Variants in TUBGCP4 observed in about 807,000 individuals in gnomAD.
TUBGCP4 encodes gamma-tubulin complex component 4.
Under a neutral mutation model 91.6 loss-of-function variants are expected in TUBGCP4, and 54 were observed. The ratio of observed to expected loss-of-function variants is 0.59; its 90% CI spans 0.47 to 0.74. The LOEUF (loss-of-function observed/expected upper bound fraction) is 0.74, where lower values mean the gene tolerates loss of function less well. Among genes scored for constraint, TUBGCP4 ranks in the 30% least tolerant of loss-of-function variants. TUBGCP4 has a pLI of 0.00. For synonymous variants in TUBGCP4, 297 were observed against 302.8 expected (o/e 0.98, Z 0.20); for missense variants, 593 against 800.9 (o/e 0.74, Z 3.13).
intron 7 of TUBGCP4, among the ~76,000 whole-genome samples, chr15:43,385,103 TG>T (rs1469779625): frequency 6.6e-6 from 1 of 151,986 alleles, no homozygotes; most frequent in Non-Finnish European, 1.5e-5. Context: ...ATGGGTCTAA[TG>T]GGGGGCATGT....
In TUBGCP4 at chr15:43,371,292, G is replaced by T; in HGVS notation, c.-63G>T. 1.3e-6 allele frequency: 2 copies of T among 1,543,640 alleles called. No homozygotes were observed. Among genetic ancestry groups the T allele is most frequent in the Non-Finnish European group, 1.8e-6 (2 of 1,128,330 alleles). On this transcript the variant is annotated 5_prime_UTR_variant, in exon 1 of 18. Transcript: ENST00000564079. Reference sequence around the variant, plus strand: ...TGGAAGGGGAAGCACTCCCCTCGTGGTCGCCTGGAGGTGCGCTGGAGGAGG... The same window carrying T: ...TGGAAGGGGAAGCACTCCCCTCGTGTTCGCCTGGAGGTGCGCTGGAGGAGG...
chr15:43,373,377 T>C (rs1280656454), intron 1 of TUBGCP4, among the ~76,000 whole-genome samples: 2 of 152,230 alleles, frequency 1.3e-5, no homozygotes, highest in Non-Finnish European at 1.5e-5. Context: ...AACGCTCAAA[T>C]GCCAATTTTA....
intron 4 of TUBGCP4, 82 bp downstream of exon 4, chr15:43,377,149 C>T: frequency 8.2e-7 from 1 of 1,218,110 alleles, no homozygotes; most frequent in Non-Finnish European, 1.2e-6. Context: ...TTTTTGAGAA[C>T]TTTTTTTCTT....
intron 17 of TUBGCP4, 67 bp downstream of exon 17, chr15:43,404,619 T>C (rs2044795919): frequency 1.9e-6 from 3 of 1,550,180 alleles, no homozygotes; most frequent in South Asian, 2.3e-5. Context: ...TGTAGAATTC[T>C]AGAACTGGAA....
chr15:43,376,404 G>A, intron 2 of TUBGCP4, 99 bp from the exon 3 acceptor site: 1 of 1,610,812 alleles, frequency 6.2e-7, no homozygotes, highest in Admixed American at 1.7e-5. Flanking sequence ...CCTCTAATTG[G>A]TTTGTTTGTA....
At chr15:43,382,063 A>G (rs1430163394) in intron 6 of TUBGCP4, among the ~76,000 whole-genome samples, 1 of 151,992 alleles carries the variant, frequency 6.6e-6, no homozygotes, top group Non-Finnish European at 1.5e-5. Flanking sequence ...ACAAATACAA[A>G]AAAAGTAGGC....
In TUBGCP4 at chr15:43,380,040, C is replaced by A. The variant is rs186126936; in HGVS notation, c.442-44C>A. On this transcript the variant is annotated intron_variant, in intron 5 of 17. Transcript: ENST00000564079. ...GGAATAAGAATGTGTCTTGCATGGACTCTTAGAATGGAATCCAGTTTGACA... is the reference window on the plus strand; with the variant it reads ...GGAATAAGAATGTGTCTTGCATGGAATCTTAGAATGGAATCCAGTTTGACA... 2.5e-6 allele frequency: 4 copies of A among 1,578,538 alleles called. No individual in the cohort carries two copies. In the African/African-American group the frequency reaches 5.4e-5, roughly 21 times the overall value.
Position 43,400,213 on chromosome 15 carries a change from T to C in TUBGCP4, c.1588T>C (p.Tyr530His), listed in dbSNP as rs1263757713. The change falls in exon 14 of 18, where the codon TAT becomes CAT. Residue 530 changes from tyrosine (Y) to histidine (H), a missense_variant. By Grantham distance (83) the Tyr-to-His change is moderately conservative (BLOSUM62 2). Transcript: ENST00000564079. ...ATTTTTGGTGGATAATCTTCAGTAC[T>C]ATCTCCAGGTCTGTGCTAAGAGATG... Reference protein sequence around the residue: ...MAFLVDNLQYYLQVDVLESQF... With the variant: ...MAFLVDNLQYHLQVDVLESQF... 6.2e-7 allele frequency: 1 copy of C among 1,613,920 alleles called. No individual in the cohort carries two copies. Among genetic ancestry groups the C allele is most frequent in the Non-Finnish European group, 8.5e-7 (1 of 1,179,938 alleles).
Position 43,371,280 on chromosome 15 carries a change from A to G in TUBGCP4, c.-75A>G, listed in dbSNP as rs377697837. On this transcript the variant is annotated 5_prime_UTR_variant, in exon 1 of 18. Coordinates refer to ENST00000564079, the MANE Select transcript of TUBGCP4 (RefSeq NM_014444.5). ...CCGGTGCGCGTGTGGAAGGGGAAGC[A>G]CTCCCCTCGTGGTCGCCTGGAGGTG... The G allele has an allele frequency of 1.9e-5, 28 of 1,437,178 alleles. No individual in the cohort carries two copies. The East Asian group carries it at 2.8e-4, about 14-fold the overall frequency. The allele number at this position is 1,437,178 out of a possible 1,614,324, so 89.0% of individuals were successfully genotyped here.
chr15:43,398,305 C>T lies in TUBGCP4; in HGVS notation c.1418+126C>T. On this transcript the variant is annotated intron_variant, in intron 13 of 17. Transcript: ENST00000564079. ...CACACACCTGTAATCCCAGCTAGTC[C>T]AGAGCCTGAGCAGGAGGATCCCTTA... is the stretch of plus-strand genomic sequence containing the variant. The T allele has an allele frequency of 3.6e-6, 4 of 1,099,258 alleles. No homozygotes were observed. The East Asian group carries it at 9.9e-5, about 27-fold the overall frequency. The allele number at this position is 1,099,258 out of a possible 1,614,324, so 68.1% of individuals were successfully genotyped here.
In TUBGCP4 at chr15:43,395,630, C is replaced by T. The variant is rs1340650211; in HGVS notation, c.1113C>T (p.Ala371=). The T allele has an allele frequency of 6.2e-7, 1 of 1,614,116 alleles. No individual in the cohort carries two copies. Among genetic ancestry groups the T allele is most frequent in the East Asian group, 2.2e-5 (1 of 44,882 alleles). The change falls in exon 11 of 18, where the codon GCC becomes GCT. Residue 371 remains alanine (A), a synonymous_variant. Transcript: ENST00000564079. ...TGGGACGTGGAGAACTGTTTCAGGC[C>T]TTCATTGACACAGCTCAACACATGT... is the stretch of plus-strand genomic sequence containing the variant. ...YLLGRGELFQ[A]FIDTAQHMLK... is the part of the protein sequence containing the mutation.
chr15:43,375,739 A>G (rs1336584077), intron 1 of TUBGCP4, among the ~76,000 whole-genome samples: 1 of 152,236 alleles, frequency 6.6e-6, no homozygotes, highest in African/African-American at 2.4e-5. Context: ...ATATTGCTAA[A>G]GAGACTTTGT....
Position 43,371,182 on chromosome 15 carries a change from C to T in TUBGCP4, c.-173C>T, listed in dbSNP as rs1232150438. On this transcript the variant is annotated 5_prime_UTR_variant, in exon 1 of 18. Transcript: ENST00000564079. ...TCCGGGACTCCCCCGCGACCCCTTC[C>T]CAGCTTCCCGTCCGCTCCGCCGCAG... 1.5e-6 allele frequency: 1 copy of T among 675,672 alleles called. No individual in the cohort carries two copies. Among genetic ancestry groups the T allele is most frequent in the Non-Finnish European group, 2.5e-6 (1 of 393,404 alleles). 41.9% of individuals were successfully genotyped at this position (675,672 alleles called of 1,614,324 possible).
In TUBGCP4 at chr15:43,406,002, T is replaced by G. The variant is rs999138672; in HGVS notation, c.*788T>G. 1 of 134,558 alleles carries G rather than the reference T, an allele frequency of 7.4e-6. No homozygotes were observed. Among genetic ancestry groups the G allele is most frequent in the Non-Finnish European group, 1.5e-5 (1 of 66,308 alleles). The allele number at this position is 134,558 out of a possible 1,614,324, so 8.3% of individuals were successfully genotyped here. A position where few individuals can be genotyped will look rare whatever the true frequency, so the allele number is the denominator to read the frequency against. On this transcript the variant is annotated 3_prime_UTR_variant, in exon 18 of 18. Transcript: ENST00000564079. ...CTGCAGTGAGCTGAGATTGTGCCAT[T>G]GCATTCCAGCCCGGGCAACAAGAGC...
chr15:43,392,166 T>A (rs1359828578), intron 9 of TUBGCP4, among the ~76,000 whole-genome samples: 2 of 151,616 alleles, frequency 1.3e-5, no homozygotes, highest in African/African-American at 4.8e-5. Context: ...ATCTGCCTTT[T>A]TCTTTATTAG....
Position 43,378,145 on chromosome 15 carries a change from T to C in TUBGCP4, c.441+242T>C, listed in dbSNP as rs17724631. Among the ~76,000 whole-genome samples, 2,835 of 152,210 alleles carry C rather than the reference T, an allele frequency of 0.019. 42 individuals are homozygous for C. The highest frequency in any genetic ancestry group is 0.034 in the Middle Eastern group (10 of 294). ...TTCATAGATGTTCCCAAGAATGTTG[T>C]TGGGGTAAGAAAAAAAGTGCTGTGG... On this transcript the variant is annotated intron_variant, in intron 5 of 17. Transcript: ENST00000564079.
intron 4 of TUBGCP4, 71 bp downstream of exon 4, chr15:43,377,138 GT>G: frequency 7.4e-7 from 1 of 1,344,994 alleles, no homozygotes. Context: ...TTATGGTACT[GT>G]TTTTGAGAAC....
In TUBGCP4 at chr15:43,403,616, C is replaced by T. The variant is rs1410632124; in HGVS notation, c.1732-67C>T. On this transcript the variant is annotated intron_variant, in intron 15 of 17. Transcript: ENST00000564079. ...GATCAGCTATTAATCAGACTGTTCT[C>T]CTAACACTTTAACTTCATGGATGTA... The T allele has an allele frequency of 8.5e-6, 10 of 1,183,040 alleles. No homozygotes were observed. In the African/African-American group the frequency reaches 1.5e-4, roughly 18 times the overall value. The allele number at this position is 1,183,040 out of a possible 1,614,324, so 73.3% of individuals were successfully genotyped here.
chr15:43,392,437 T>C (rs1046951568), intron 9 of TUBGCP4, among the ~76,000 whole-genome samples: 2 of 152,206 alleles, frequency 1.3e-5, no homozygotes, highest in African/African-American at 4.8e-5. Flanking sequence ...ATTGTTTCTT[T>C]GGAATCTATT....
Sources: gnomAD v4.1 joint callset for allele counts (sites outside exome capture counted in the v4.1 genomes callset) on GRCh38, gnomAD v4.1.1 for gene constraint, MANE v1.5 for transcripts, NCBI Gene and HGNC (gene_info 2026-07-23, HGNC 2026-07-21) for gene names.